PTPRG: variants seen among roughly 807,000 people sequenced by gnomAD.
PTPRG encodes receptor-type tyrosine-protein phosphatase gamma.
In PTPRG, 102 loss-of-function variants were observed where a neutral mutation model predicts 165.3. That is an observed-to-expected ratio of 0.62 (90% CI 0.53 to 0.73). The LOEUF (loss-of-function observed/expected upper bound fraction) is 0.73. PTPRG is among the 30% of genes least tolerant of loss of function. PTPRG has a pLI of 0.00. For missense variants in PTPRG, 1,866 were observed against 1,861.4 expected, an observed-to-expected ratio of 1.00 and a Z score of -0.05; for synonymous variants, 675 against 669.5, an observed-to-expected ratio of 1.01 and a Z score of -0.13.
intron 1 of PTPRG, among the ~76,000 whole-genome samples, chr3:61,566,640 T>C (rs1435956671): frequency 6.6e-6 from 1 of 152,214 alleles, no homozygotes; most frequent in African/African-American, 2.4e-5. Flanking sequence ...CCTGAGTAGC[T>C]GAGTCTACAG....
chr3:61,752,581 A>C (rs893932461), intron 2 of PTPRG, among the ~76,000 whole-genome samples: 1 of 152,058 alleles, frequency 6.6e-6, no homozygotes, highest in African/African-American at 2.4e-5. Flanking sequence ...TCACGAGGTC[A>C]GGAGTTCGAG....
chr3:62,050,750 G>A (rs1575938515), intron 4 of PTPRG, among the ~76,000 whole-genome samples: 1 of 152,126 alleles, frequency 6.6e-6, no homozygotes, highest in Admixed American at 6.6e-5. Flanking sequence ...ATAAAGACAA[G>A]GTATCAGGAA....
At chr3:61,879,472 A>AT (rs911788281) in intron 2 of PTPRG, among the ~76,000 whole-genome samples, 7 of 151,616 alleles carry the variant, frequency 4.6e-5, no homozygotes, top group Admixed American at 1.3e-4. Flanking sequence ...ATTCTTTTTG[A>AT]TTTTTTTTAA....
intron 1 of PTPRG, among the ~76,000 whole-genome samples, chr3:61,674,183 TAAAAA>T (rs11335275): frequency 6.9e-6 from 1 of 144,092 alleles, no homozygotes; most frequent in Non-Finnish European, 1.5e-5. Flanking sequence ...ATAATAATAA[TAAAAA>T]AAAAAAAGAA....
chr3:61,981,241 T>G (rs1385718716), intron 2 of PTPRG, among the ~76,000 whole-genome samples: 1 of 152,180 alleles, frequency 6.6e-6, no homozygotes, highest in Non-Finnish European at 1.5e-5. Context: ...ATGACTCACT[T>G]TCCTCCACCT....
intron 6 of PTPRG, among the ~76,000 whole-genome samples, chr3:62,145,434 T>G (rs779319672): frequency 2.0e-5 from 3 of 152,166 alleles, no homozygotes; most frequent in African/African-American, 4.8e-5. Context: ...TGACAGGAAA[T>G]GACTGCAGAG....
intron 1 of PTPRG, among the ~76,000 whole-genome samples, chr3:61,638,277 T>TC (rs895450660): frequency 1.3e-5 from 2 of 151,930 alleles, no homozygotes; most frequent in African/African-American, 2.4e-5. Context: ...GTATGTAGTT[T>TC]TTTTTTTCCT....
chr3:61,753,947 G>C (rs2033546410), intron 2 of PTPRG, among the ~76,000 whole-genome samples: 1 of 152,018 alleles, frequency 6.6e-6, no homozygotes, highest in African/African-American at 2.4e-5. Context: ...TCAAAGACTA[G>C]AGAAAAACAG....
intron 5 of PTPRG, among the ~76,000 whole-genome samples, chr3:62,087,766 T>C (rs1166510031): frequency 1.3e-5 from 2 of 152,302 alleles, no homozygotes; most frequent in African/African-American, 2.4e-5. Context: ...GTATATATTA[T>C]TGGTCCCAGT....
intron 1 of PTPRG, among the ~76,000 whole-genome samples, chr3:61,716,685 A>T (rs1470211817): frequency 6.6e-6 from 1 of 151,922 alleles, no homozygotes; most frequent in Non-Finnish European, 1.5e-5. Context: ...TTAAATAAAA[A>T]CTCCCAGCTG....
At chr3:61,636,333 C>T (rs755399719) in intron 1 of PTPRG, among the ~76,000 whole-genome samples, 1 of 152,190 alleles carries the variant, frequency 6.6e-6, no homozygotes, top group Non-Finnish European at 1.5e-5. Context: ...TACCTATTTT[C>T]GTTAAACACC....
At chr3:61,803,332 A>G (rs7651834) in intron 2 of PTPRG, among the ~76,000 whole-genome samples, 12,109 of 152,184 alleles carry the variant, frequency 0.08, 650 homozygotes, top group South Asian at 0.16. Flanking sequence ...TATTAGTGAA[A>G]TATTTTACAT....
intron 1 of PTPRG, among the ~76,000 whole-genome samples, chr3:61,628,425 C>T (rs929937307): frequency 6.6e-6 from 1 of 152,132 alleles, no homozygotes; most frequent in Admixed American, 6.5e-5. Flanking sequence ...AAGTGATTCT[C>T]CTGCCTCAGC....
intron 4 of PTPRG, among the ~76,000 whole-genome samples, chr3:62,043,427 T>G (rs982541023): frequency 6.6e-6 from 1 of 152,244 alleles, no homozygotes; most frequent in African/African-American, 2.4e-5. Context: ...ATTAAAGAAT[T>G]TTTATATCTG....
chr3:61,665,578 A>T (rs1702790140), intron 1 of PTPRG, among the ~76,000 whole-genome samples: 1 of 150,998 alleles, frequency 6.6e-6, no homozygotes, highest in Admixed American at 6.6e-5. Flanking sequence ...TAATTCCTGC[A>T]CTTTGGGAGG....
intron 1 of PTPRG, chr3:61,659,328 G>T (rs2107017492): frequency 1.0e-6 from 1 of 985,394 alleles, no homozygotes. Context: ...GTGCTGCTCA[G>T]TTGAGGATTT....
At chr3:61,878,189 G>C (rs948321986) in intron 2 of PTPRG, among the ~76,000 whole-genome samples, 13 of 152,136 alleles carry the variant, frequency 8.5e-5, no homozygotes, top group African/African-American at 3.1e-4. Context: ...TGGGGAATTT[G>C]CTATGTCACA....
At chr3:61,617,322 C>T (rs1701324973) in intron 1 of PTPRG, among the ~76,000 whole-genome samples, 1 of 152,170 alleles carries the variant, frequency 6.6e-6, no homozygotes, top group Non-Finnish European at 1.5e-5. Flanking sequence ...TCTGTCCAGC[C>T]AGGGTGTGTC....
intron 2 of PTPRG, among the ~76,000 whole-genome samples, chr3:61,792,736 CTTTCTTTCTTTG>C (rs2034924479): frequency 2.3e-5 from 2 of 86,322 alleles, no homozygotes; most frequent in South Asian, 3.9e-4. Context: ...TTCTTTCTTT[CTTTCTTTCTTTG>C]AGATGGAGTC....
Sources: gnomAD v4.1 joint callset for allele counts (sites outside exome capture counted in the v4.1 genomes callset) on GRCh38, gnomAD v4.1.1 for gene constraint, MANE v1.5 for transcripts, NCBI Gene and HGNC (gene_info 2026-07-23, HGNC 2026-07-21) for gene names.